The following STAG1 variants were observed in gnomAD, a reference collection of about 807,000 sequenced individuals.
STAG1 encodes cohesin subunit SA-1.
In STAG1, 26 loss-of-function variants were observed where a neutral mutation model predicts 170.9. The observed-to-expected ratio is 0.15, with a 90% confidence interval of 0.11 to 0.21. The LOEUF is 0.21. Among genes scored for constraint, STAG1 ranks in the 10% least tolerant of loss-of-function variants. The pLI is 1.00. For synonymous variants in STAG1, 514 were observed against 497.7 expected (o/e 1.03, Z -0.44); for missense variants, 964 against 1,509.5 (o/e 0.64, Z 5.99).
chr3:136,680,423 A>C (rs930170202), intron 1 of STAG1, among the ~76,000 whole-genome samples: 2 of 152,178 alleles, frequency 1.3e-5, no homozygotes, highest in South Asian at 4.1e-4. Context: ...CACATAACTA[A>C]AAGATTGTAT....
chr3:136,389,980 C>A (rs961838421), intron 22 of STAG1, among the ~76,000 whole-genome samples: 2 of 151,682 alleles, frequency 1.3e-5, no homozygotes, highest in Admixed American at 6.6e-5. Flanking sequence ...TACAGGTGCC[C>A]GCCACCACGC....
intron 9 of STAG1, among the ~76,000 whole-genome samples, chr3:136,479,123 T>A (rs553368025): frequency 6.2e-4 from 92 of 149,302 alleles, no homozygotes; most frequent in South Asian, 2.8e-3. Context: ...CATGTGCACA[T>A]TGTGCAGGTT....
At chr3:136,718,638 G>A (rs555742769) in intron 1 of STAG1, among the ~76,000 whole-genome samples, 2 of 152,112 alleles carry the variant, frequency 1.3e-5, no homozygotes, top group Non-Finnish European at 2.9e-5. Context: ...CAGATAAATA[G>A]AGGTGGCCAG....
chr3:136,564,891 T>C (rs1260824271), intron 5 of STAG1, among the ~76,000 whole-genome samples: 1 of 150,462 alleles, frequency 6.6e-6, no homozygotes, highest in East Asian at 1.9e-4. Flanking sequence ...CAATCGCCAT[T>C]AGAAGGAAAC....
At chr3:136,507,512 C>T (rs908727144) in intron 7 of STAG1, among the ~76,000 whole-genome samples, 3 of 151,954 alleles carry the variant, frequency 2.0e-5, no homozygotes, top group African/African-American at 7.2e-5. Context: ...ACTACAGCTA[C>T]CACCATGCCC....
chr3:136,684,591 A>G (rs185682111), intron 1 of STAG1, among the ~76,000 whole-genome samples: 26 of 152,094 alleles, frequency 1.7e-4, no homozygotes, highest in Non-Finnish European at 2.6e-4. Flanking sequence ...CTCTACTAAA[A>G]AATACAAAAA....
At chr3:136,740,531 A>C (rs1256072739) in intron 1 of STAG1, among the ~76,000 whole-genome samples, 3 of 152,124 alleles carry the variant, frequency 2.0e-5, no homozygotes, top group African/African-American at 7.2e-5. Flanking sequence ...CCCAGGCTGG[A>C]GTGTAGTGGC....
At chr3:136,559,437 A>G (rs1375114654) in intron 5 of STAG1, among the ~76,000 whole-genome samples, 1 of 152,192 alleles carries the variant, frequency 6.6e-6, no homozygotes, top group African/African-American at 2.4e-5. Context: ...GCCAATTACA[A>G]TTGTAGGTAA....
intron 12 of STAG1, among the ~76,000 whole-genome samples, chr3:136,467,287 AG>A (rs1340456490): frequency 6.6e-6 from 1 of 152,152 alleles, no homozygotes; most frequent in Non-Finnish European, 1.5e-5. Context: ...AGACACACAT[AG>A]GCGCAAAATA....
chr3:136,674,567 T>C (rs1942077015), intron 1 of STAG1, among the ~76,000 whole-genome samples: 1 of 152,170 alleles, frequency 6.6e-6, no homozygotes, highest in South Asian at 2.1e-4. Context: ...TCATCTTGAC[T>C]GGTGGTGGTA....
chr3:136,710,129 C>T (rs1287323730), intron 1 of STAG1, among the ~76,000 whole-genome samples: 1 of 152,108 alleles, frequency 6.6e-6, no homozygotes, highest in Admixed American at 6.6e-5. Flanking sequence ...AATACAACAG[C>T]ATTTTTGGGG....
intron 6 of STAG1, among the ~76,000 whole-genome samples, chr3:136,541,538 T>TCACACACACACACACTCA (rs1935899379): frequency 8.1e-6 from 1 of 123,216 alleles, no homozygotes; most frequent in Non-Finnish European, 1.7e-5. Context: ...AGCTTAACAT[T>TCACACACACACACACTCA]CACACACACA....
intron 1 of STAG1, among the ~76,000 whole-genome samples, chr3:136,678,990 ACTT>A (rs1327358686): frequency 1.4e-5 from 2 of 143,156 alleles, no homozygotes; most frequent in East Asian, 3.9e-4. Context: ...TATCAAAAAT[ACTT>A]CACAAAAAAA....
intron 2 of STAG1, among the ~76,000 whole-genome samples, chr3:136,626,390 A>T (rs908288866): frequency 4.7e-5 from 7 of 150,352 alleles, no homozygotes; most frequent in African/African-American, 1.7e-4. Flanking sequence ...ACGCCACTGC[A>T]CTCCAGCCTG....
chr3:136,433,761 G>A (rs2088377648), intron 15 of STAG1, 102 bp from the exon 16 acceptor site: 1 of 783,072 alleles, frequency 1.3e-6, no homozygotes, highest in East Asian at 2.8e-5. Context: ...TTCTATTACT[G>A]CTTATTTTAA....
intron 1 of STAG1, among the ~76,000 whole-genome samples, chr3:136,722,002 G>A (rs1403153003): frequency 1.3e-5 from 2 of 151,772 alleles, no homozygotes; most frequent in African/African-American, 2.4e-5. Flanking sequence ...AGGACAGATC[G>A]CTTGAGCTTC....
At chr3:136,474,048 A>G (rs767922620) in intron 10 of STAG1, among the ~76,000 whole-genome samples, 4 of 152,202 alleles carry the variant, frequency 2.6e-5, no homozygotes, top group Non-Finnish European at 5.9e-5. Context: ...CATGCAACAA[A>G]TATTTACTGG....
In STAG1 at chr3:136,465,002, A is replaced by T. The variant is rs201909192; in HGVS notation, c.1206-14T>A. ...TCTTCACTTCCACTGAAAAATACAG[A>T]AAGTAACATCTGATCTAAAGCAAAT... On this transcript the variant is annotated splice_polypyrimidine_tract_variant and intron_variant, in intron 12 of 33. Transcript: ENST00000383202. The T allele has an allele frequency of 6.3e-7, 1 of 1,580,376 alleles. No individual in the cohort carries two copies. The highest frequency in any genetic ancestry group is 2.2e-5 in the East Asian group (1 of 44,546).
intron 5 of STAG1, among the ~76,000 whole-genome samples, chr3:136,549,682 T>C (rs1207885936): frequency 6.6e-6 from 1 of 151,006 alleles, no homozygotes; most frequent in African/African-American, 2.4e-5. Flanking sequence ...GCTTGCCTAA[T>C]AGCTCTGGGC....
Sources: gnomAD v4.1 joint callset for allele counts (sites outside exome capture counted in the v4.1 genomes callset) on GRCh38, gnomAD v4.1.1 for gene constraint, MANE v1.5 for transcripts, NCBI Gene and HGNC (gene_info 2026-07-23, HGNC 2026-07-21) for gene names.